SCN7A: variants seen among roughly 807,000 people sequenced by gnomAD.
SCN7A encodes the protein sodium voltage-gated channel alpha subunit 7, also known as sodium channel protein type 7 subunit alpha.
A neutral mutation model predicts 155.2 loss-of-function variants in SCN7A; 138 were observed. That is an observed-to-expected ratio of 0.89 (90% CI 0.77 to 1.02). The LOEUF is 1.02. Among genes scored for constraint, SCN7A ranks in the 50% least tolerant of loss-of-function variants. The probability of loss-of-function intolerance (pLI) is 0.00; values close to 1 mark genes in which losing one functional copy is unlikely to be tolerated. For missense variants in SCN7A, 2,058 were observed against 1,986.6 expected (o/e 1.04, Z -0.68); for synonymous variants, 693 against 649.0 (o/e 1.07, Z -1.03).
At chr2:166,479,872 G>A (rs934345745) in intron 2 of SCN7A, among the ~76,000 whole-genome samples, 1 of 152,090 alleles carries the variant, frequency 6.6e-6, no homozygotes, top group African/African-American at 2.4e-5. Context: ...AAATTTTAAA[G>A]GGAAGAATAT....
chr2:166,486,726 T>C (rs1703058656), intron 2 of SCN7A, 130 bp downstream of exon 2: 2 of 152,186 alleles, frequency 1.3e-5, no homozygotes, highest in African/African-American at 4.8e-5. Context: ...CCTTGGCTGA[T>C]AGCTAAGCTT....
At chr2:166,482,038 G>A (rs533638601) in intron 2 of SCN7A, among the ~76,000 whole-genome samples, 2 of 152,178 alleles carry the variant, frequency 1.3e-5, no homozygotes, top group East Asian at 3.9e-4. Context: ...GGGATGATCC[G>A]AATATTGGTT....
chr2:166,464,619 AT>A (rs548597377), intron 9 of SCN7A, among the ~76,000 whole-genome samples: 8 of 151,716 alleles, frequency 5.3e-5, no homozygotes, highest in African/African-American at 1.2e-4. Context: ...TATCTTTTTA[AT>A]TTTTTTTTAA....
rs968575845 is a variant in SCN7A, at chr2:166,474,014, T to C, written c.354-126A>G. The stretch of plus-strand genomic sequence containing the variant: ...AACAACAATGGGCATTAATATTTGT[T>C]AATATTTACTATTGTTGTGTATATT... On this transcript the variant is annotated intron_variant, in intron 4 of 25. Transcript: ENST00000643258. 6 of 532,834 alleles carry C rather than the reference T, an allele frequency of 1.1e-5. No homozygotes were observed. In the African/African-American group the frequency reaches 1.2e-4, roughly 10 times the overall value. 33.0% of individuals were successfully genotyped at this position (532,834 alleles called of 1,614,324 possible). A position where few individuals can be genotyped will look rare whatever the true frequency, so the allele number is the denominator to read the frequency against.
chr2:166,490,965 T>C (rs1378463605), intron 1 of SCN7A, among the ~76,000 whole-genome samples: 1 of 152,136 alleles, frequency 6.6e-6, no homozygotes, highest in African/African-American at 2.4e-5. Context: ...GGGCAAAAAA[T>C]GTCCAACATG....
Position 166,441,651 on chromosome 2 carries a change from C to T in SCN7A, c.1902G>A (p.Leu634=). 1.2e-6 allele frequency: 2 copies of T among 1,613,830 alleles called. No homozygotes were observed. Among genetic ancestry groups the T allele is most frequent in the South Asian group, 1.1e-5 (1 of 91,076 alleles). The change falls in exon 15 of 26, where the codon TTG becomes TTA. Residue 634 remains leucine (L), a synonymous_variant. Coordinates refer to ENST00000643258, the MANE Select transcript of SCN7A (RefSeq NM_002976.4). ...CAGCAGAAAAGAAGATGAATGTGAA[C>T]AACAACAGGACCAAGTCTTTCAGGG... ...WVALKDLVLL[L]FTFIFFSAAF...
chr2:166,435,531 A>C (rs1161843608), intron 15 of SCN7A, among the ~76,000 whole-genome samples: 1 of 152,120 alleles, frequency 6.6e-6, no homozygotes, highest in Non-Finnish European at 1.5e-5. Flanking sequence ...AGAATTGAGC[A>C]ACTCATAGCA....
chr2:166,482,623 T>G (rs1386830956), intron 2 of SCN7A, among the ~76,000 whole-genome samples: 1 of 152,052 alleles, frequency 6.6e-6, no homozygotes. Flanking sequence ...TCATCAGTAC[T>G]GATTCTGTCA....
chr2:166,413,001 G>T, intron 22 of SCN7A, 67 bp downstream of exon 22: 1 of 1,105,884 alleles, frequency 9.0e-7, no homozygotes, highest in Non-Finnish European at 1.3e-6. Context: ...CTGGTGTCCT[G>T]TGCTCGAATT....
intron 7 of SCN7A, among the ~76,000 whole-genome samples, chr2:166,467,197 A>G: frequency 6.6e-6 from 1 of 151,930 alleles, no homozygotes; most frequent in East Asian, 1.9e-4. Flanking sequence ...GAACCAATGT[A>G]TAAACCAGAC....
chr2:166,467,597 G>GA (rs533804604), intron 7 of SCN7A, among the ~76,000 whole-genome samples: 1 of 150,444 alleles, frequency 6.6e-6, no homozygotes, highest in Non-Finnish European at 1.5e-5. Context: ...TTGTTTGATG[G>GA]AAAAAAATGA....
intron 18 of SCN7A, among the ~76,000 whole-genome samples, chr2:166,427,520 C>T (rs1227580270): frequency 2.0e-5 from 3 of 151,856 alleles, no homozygotes; most frequent in Non-Finnish European, 2.9e-5. Flanking sequence ...CATTCCATTT[C>T]CCACTGTCAC....
intron 9 of SCN7A, 97 bp downstream of exon 9, chr2:166,465,365 A>T (rs1444821434): frequency 1.2e-6 from 1 of 856,714 alleles, no homozygotes; most frequent in African/African-American, 1.7e-5. Flanking sequence ...ATGAGATAAT[A>T]CAATCAAATG....
At chr2:166,462,358 TAAGTA>T in intron 10 of SCN7A, 26 bp downstream of exon 10, 1 of 1,562,266 alleles carries the variant, frequency 6.4e-7, no homozygotes, top group East Asian at 2.3e-5. Flanking sequence ...GTGCCATTCC[TAAGTA>T]CAGTACAATT....
intron 15 of SCN7A, chr2:166,436,199 T>C: frequency 5.0e-6 from 1 of 200,672 alleles, no homozygotes; most frequent in Non-Finnish European, 1.1e-5. Flanking sequence ...AATCTCATCT[T>C]GAATTGTAGT....
chr2:166,477,487 G>T lies in SCN7A; in HGVS notation c.210C>A (p.Asp70Glu). 2 of 1,544,786 alleles carry T rather than the reference G, an allele frequency of 1.3e-6. No individual in the cohort carries two copies. The highest frequency in any genetic ancestry group is 1.7e-6 in the Non-Finnish European group (2 of 1,143,598). The change falls in exon 3 of 26, where the codon GAC (aspartate) becomes GAA (glutamate). Residue 70 changes from aspartate (D) to glutamate (E), a missense_variant. Coordinates refer to ENST00000643258, the MANE Select transcript of SCN7A (RefSeq NM_002976.4). ...CATTTTTTTTCTTGTAGTAATATGG[G>T]TCCACATCTTCCAAGGGCTCTGACA... Reference protein sequence around the residue: ...GMVSEPLEDVDPYYYKKKNTF... With the variant: ...GMVSEPLEDVEPYYYKKKNTF...
rs1459827413 is a variant in SCN7A, at chr2:166,465,831, T to C, written c.821A>G (p.Asn274Ser). The C allele has an allele frequency of 3.7e-6, 6 of 1,613,932 alleles. No homozygotes were observed. Among genetic ancestry groups the C allele is most frequent in the Non-Finnish European group, 4.2e-6 (5 of 1,179,850 alleles). The change falls in exon 8 of 26, where the codon AAT becomes AGT. Residue 274 changes from asparagine (N) to serine (S), a missense_variant. Coordinates refer to ENST00000643258, the MANE Select transcript of SCN7A (RefSeq NM_002976.4). ...TCTGTTGTGCAGGGTTTCATTTTCA[T>C]TCTCTTGGGGCCATCGAAAACATTT... ...KHKCFRWPQE[N>S]ENETLHNRTG...
At chr2:166,467,131 TATACTA>T (rs1702551892) in intron 7 of SCN7A, among the ~76,000 whole-genome samples, 1 of 151,904 alleles carries the variant, frequency 6.6e-6, no homozygotes. Flanking sequence ...CTGTGTCAAA[TATACTA>T]CAGTGGTTTA....
chr2:166,484,808 T>A (rs1349936716), intron 2 of SCN7A, among the ~76,000 whole-genome samples: 2 of 151,906 alleles, frequency 1.3e-5, no homozygotes, highest in Non-Finnish European at 2.9e-5. Context: ...GGAAAAGAAA[T>A]TTAAGACTAG....
Sources: allele counts gnomAD v4.1 joint callset (sites outside exome capture counted in the v4.1 genomes callset), GRCh38; gene constraint gnomAD v4.1.1; transcripts MANE v1.5; gene names NCBI Gene and HGNC (gene_info 2026-07-23, HGNC 2026-07-21).